GLUD1: variants seen among roughly 807,000 people sequenced by gnomAD.
GLUD1 encodes glutamate dehydrogenase 1.
GLUD1 carries 22 observed loss-of-function variants against 56.0 expected under a neutral mutation model. That is an observed-to-expected ratio of 0.39 (90% CI 0.28 to 0.56). GLUD1 has a LOEUF of 0.56. Among genes scored for constraint, GLUD1 ranks in the 20% least tolerant of loss-of-function variants. The pLI is 0.58. For synonymous variants in GLUD1, 223 were observed against 269.9 expected, an observed-to-expected ratio of 0.83 and a Z score of 1.70; for missense variants, 451 against 732.0, an observed-to-expected ratio of 0.62 and a Z score of 4.43.
rs778995393 is a variant in GLUD1, at chr10:87,062,719, T to C, written c.858A>G (p.Glu286=). The C allele has an allele frequency of 1.2e-6, 2 of 1,614,150 alleles. No individual in the cohort carries two copies. Among genetic ancestry groups the C allele is most frequent in the Non-Finnish European group, 1.7e-6 (2 of 1,179,968 alleles). ...VFHGIENFIN[E]ASYMSILGMT... ...TTCCTAAAATGCTCATGTAAGAAGC[T>C]TCATTGATGAAATTTTCAATCCCAT... The change falls in exon 6 of 13, where the codon GAA becomes GAG. Residue 286 remains glutamate, a synonymous_variant. Coordinates refer to ENST00000277865, the MANE Select transcript of GLUD1 (RefSeq NM_005271.5).
chr10:87,067,241 A>C (rs1846101710), intron 5 of GLUD1, among the ~76,000 whole-genome samples: 1 of 152,010 alleles, frequency 6.6e-6, no homozygotes, highest in Non-Finnish European at 1.5e-5. Context: ...CTTCATTCTT[A>C]CTTTTTTTTT....
rs1286673890 is a variant in GLUD1 at position 87,094,169 on chromosome 10, G to A, written c.445+156C>T. 14 of 1,398,666 alleles carry A rather than the reference G, an allele frequency of 1.0e-5. No homozygotes were observed. The highest frequency in any genetic ancestry group is 1.4e-5 in the African/African-American group (1 of 69,342). The allele number at this position is 1,398,666 out of a possible 1,614,324, so 86.6% of individuals were successfully genotyped here. On this transcript the variant is annotated intron_variant, in intron 1 of 12. Transcript: ENST00000277865. The surrounding 1 kb of genome is among the most constrained non-coding windows in gnomAD (Gnocchi z 6.6). Reference sequence around the variant, plus strand: ...AGGCGGAAAAATCACCATCCACAGAGCCGGCCACATCCGAGGCGGGGTGAC... The same window carrying A: ...AGGCGGAAAAATCACCATCCACAGAACCGGCCACATCCGAGGCGGGGTGAC...
chr10:87,078,909 T>A (rs1841127568), intron 1 of GLUD1, among the ~76,000 whole-genome samples: 1 of 152,178 alleles, frequency 6.6e-6, no homozygotes, highest in African/African-American at 2.4e-5. Flanking sequence ...AAGGCTGAGG[T>A]GGGAGGATCA....
Position 87,094,256 on chromosome 10 carries a change from G to A in GLUD1, c.445+69C>T, listed in dbSNP as rs1243604736. On this transcript the variant is annotated intron_variant, in intron 1 of 12. Transcript: ENST00000277865. This position sits in a 1 kb window ranked among gnomAD's most constrained non-coding sequence, Gnocchi z 6.6. Reference sequence around the variant, plus strand: ...CTGGGCTGAGCAGCGGCCCCGCACCGGCAGGAGGCCGGAGGGGAGGGCCGC... The same window carrying A: ...CTGGGCTGAGCAGCGGCCCCGCACCAGCAGGAGGCCGGAGGGGAGGGCCGC... 3.9e-6 allele frequency: 6 copies of A among 1,528,868 alleles called. No homozygotes were observed. Among genetic ancestry groups the A allele is most frequent in the African/African-American group, 2.8e-5 (2 of 72,700 alleles). The allele number at this position is 1,528,868 out of a possible 1,614,324, so 94.7% of individuals were successfully genotyped here.
chr10:87,064,192 C>T (rs899811357), intron 5 of GLUD1, among the ~76,000 whole-genome samples: 1 of 152,062 alleles, frequency 6.6e-6, no homozygotes, highest in Non-Finnish European at 1.5e-5. Flanking sequence ...GGATTACAGG[C>T]GTGAGCCACC....
chr10:87,061,506 T>A (rs1845928997), intron 6 of GLUD1, among the ~76,000 whole-genome samples: 1 of 152,138 alleles, frequency 6.6e-6, no homozygotes, highest in Admixed American at 6.5e-5. Flanking sequence ...TGAGACTCCA[T>A]CTCAATCAAT....
At chr10:87,069,376 G>T (rs1236671746) in intron 4 of GLUD1, among the ~76,000 whole-genome samples, 1 of 151,896 alleles carries the variant, frequency 6.6e-6, no homozygotes, top group African/African-American at 2.4e-5. Context: ...TTAGCCGGGC[G>T]TGGTGGCACA....
chr10:87,060,579 G>T, intron 8 of GLUD1, 109 bp downstream of exon 8: 1 of 1,305,936 alleles, frequency 7.7e-7, no homozygotes, highest in Non-Finnish European at 1.1e-6. Context: ...TGCAGTATGT[G>T]CCAATAAAGC....
intron 5 of GLUD1, among the ~76,000 whole-genome samples, chr10:87,064,405 T>C (rs1162985653): frequency 6.6e-6 from 1 of 152,158 alleles, no homozygotes; most frequent in Non-Finnish European, 1.5e-5. Flanking sequence ...TCTTATTTTG[T>C]ATAGGCAATC....
intron 5 of GLUD1, among the ~76,000 whole-genome samples, chr10:87,067,382 C>G (rs1055965796): frequency 2.0e-5 from 3 of 152,244 alleles, no homozygotes; most frequent in South Asian, 2.1e-4. Flanking sequence ...TATACCACCA[C>G]GCTTGGCTAA....
chr10:87,068,454 G>A (rs955753963), intron 4 of GLUD1, among the ~76,000 whole-genome samples: 2 of 152,194 alleles, frequency 1.3e-5, no homozygotes, highest in African/African-American at 2.4e-5. Flanking sequence ...TGTGCGACCA[G>A]AGGTTAATCA....
In GLUD1 at chr10:87,055,300, A is replaced by G. The variant is rs541972286; in HGVS notation, c.1495-1896T>C. Among the ~76,000 whole-genome samples the G allele has an allele frequency of 2.0e-5, 3 of 152,222 alleles. No homozygotes were observed. The South Asian group carries it at 6.2e-4, about 32-fold the overall frequency. ...TGATGGAGCACGGAATTTAAGTTAG[A>G]TAAGGAGGGAAGTGAGGGCACTGGG... On this transcript the variant is annotated intron_variant, in intron 11 of 12. Transcript: ENST00000277865.
Position 87,094,581 on chromosome 10 carries a change from G to T in GLUD1, c.189C>A (p.Asp63Glu), listed in dbSNP as rs1841668691. 5.0e-6 allele frequency: 8 copies of T among 1,611,570 alleles called. No individual in the cohort carries two copies. The highest frequency in any genetic ancestry group is 6.8e-6 in the Non-Finnish European group (8 of 1,179,830). The change falls in exon 1 of 13, where the codon GAC becomes GAA. Residue 63 changes from aspartate to glutamate, a missense_variant. Coordinates refer to ENST00000277865, the MANE Select transcript of GLUD1 (RefSeq NM_005271.5). This position sits in a 1 kb window ranked among gnomAD's most constrained non-coding sequence, Gnocchi z 6.6. ...CCTCCACCATCTTGAAGAAGTTGGG[G>T]TCGTCCTCGCGGTCGGCCACCGCCT... is the stretch of plus-strand genomic sequence containing the variant. ...YSEAVADRED[D>E]PNFFKMVEGF...
rs149283859 is a variant in GLUD1 at position 87,058,897 on chromosome 10, A to G, written c.1402+253T>C. On this transcript the variant is annotated intron_variant, in intron 10 of 12. Coordinates refer to ENST00000277865, the MANE Select transcript of GLUD1 (RefSeq NM_005271.5). ...CGGAGCGAGACTCCCTCTCAAAAAA[A>G]GAAAAAAAAAATGTAGATTATATTC... Among the ~76,000 whole-genome samples the G allele has an allele frequency of 7.6e-3, 1,165 of 152,296 alleles. 16 individuals carry two copies. Among genetic ancestry groups the G allele is most frequent in the African/African-American group, 0.027 (1,122 of 41,576 alleles).
At chr10:87,073,911 A>G (rs1846309235) in intron 4 of GLUD1, among the ~76,000 whole-genome samples, 1 of 152,064 alleles carries the variant, frequency 6.6e-6, no homozygotes, top group Non-Finnish European at 1.5e-5. Context: ...GTGAGCCACC[A>G]CGCTCGGCAG....
intron 1 of GLUD1, among the ~76,000 whole-genome samples, chr10:87,082,341 A>C (rs1194175115): frequency 6.6e-6 from 1 of 152,326 alleles, no homozygotes; most frequent in Middle Eastern, 3.4e-3. Context: ...AACAAAAGAC[A>C]TGTTCCGCTG....
In GLUD1 at chr10:87,059,128, G is replaced by T. The variant is rs146034815; in HGVS notation, c.1402+22C>A. 2,377 of 1,611,970 alleles carry T rather than the reference G, an allele frequency of 1.5e-3. 38 individuals carry two copies. In the African/African-American group the frequency reaches 0.028, roughly 19 times the overall value. On this transcript the variant is annotated intron_variant, in intron 10 of 12. Transcript: ENST00000277865. Reference sequence around the variant, plus strand: ...GCTGGCTCAAAAGATGAGTTTTGGCGAACAAGATTATCGATACTCACTGAG... The same window carrying T: ...GCTGGCTCAAAAGATGAGTTTTGGCTAACAAGATTATCGATACTCACTGAG...
intron 1 of GLUD1, among the ~76,000 whole-genome samples, chr10:87,080,345 C>T (rs1260470485): frequency 6.6e-6 from 1 of 152,094 alleles, no homozygotes; most frequent in Non-Finnish European, 1.5e-5. Flanking sequence ...AGTGCAGCCT[C>T]TGCCCAGCCG....
intron 11 of GLUD1, among the ~76,000 whole-genome samples, chr10:87,056,968 CCTTT>C (rs1402685505): frequency 1.3e-5 from 2 of 151,992 alleles, no homozygotes; most frequent in African/African-American, 2.4e-5. Flanking sequence ...CTCCATCCCT[CCTTT>C]CTTTTTTTTG....
Sources: allele counts gnomAD v4.1 joint callset (sites outside exome capture counted in the v4.1 genomes callset), GRCh38; gene constraint gnomAD v4.1.1; non-coding constraint Gnocchi (gnomAD v3.1); transcripts MANE v1.5; gene names NCBI Gene and HGNC (gene_info 2026-07-23, HGNC 2026-07-21).